HEPHL1: variants seen among roughly 807,000 people sequenced by gnomAD.
HEPHL1 encodes ferroxidase HEPHL1.
Under a neutral mutation model 122.0 loss-of-function variants are expected in HEPHL1, and 123 were observed. That is an observed-to-expected ratio of 1.01 (90% CI 0.87 to 1.17). The LOEUF (loss-of-function observed/expected upper bound fraction) is 1.17, where lower values mean the gene tolerates loss of function less well. Among genes scored for constraint, HEPHL1 ranks in the 50% most tolerant of loss-of-function variants. The pLI, the probability that HEPHL1 is intolerant of heterozygous loss-of-function variation, is 0.00. For synonymous variants in HEPHL1, 527 were observed against 508.9 expected (o/e 1.04, Z -0.48); for missense variants, 1,452 against 1,430.5 (o/e 1.01, Z -0.24).
intron 8 of HEPHL1, 46 bp downstream of exon 8, chr11:94,073,485 A>T (rs1946095559): frequency 6.5e-7 from 1 of 1,533,722 alleles, no homozygotes; most frequent in African/African-American, 1.4e-5. Flanking sequence ...CGGGTGAGCA[A>T]AGCACTTAGA....
intron 5 of HEPHL1, among the ~76,000 whole-genome samples, chr11:94,069,056 C>T (rs539418669): frequency 2.8e-4 from 43 of 152,172 alleles, no homozygotes; most frequent in South Asian, 6.2e-4. Context: ...CAAAGATTAA[C>T]AAGAGAAGGT....
intron 1 of HEPHL1, among the ~76,000 whole-genome samples, 193 bp downstream of exon 1, chr11:94,021,731 G>A (rs1471578962): frequency 1.3e-5 from 2 of 152,140 alleles, no homozygotes; most frequent in Non-Finnish European, 2.9e-5. Context: ...ATAGCTCCAT[G>A]TATTTGTTGA....
intron 2 of HEPHL1, among the ~76,000 whole-genome samples, chr11:94,060,522 T>C (rs1756485101): frequency 1.3e-5 from 2 of 152,134 alleles, no homozygotes; most frequent in African/African-American, 4.8e-5. Flanking sequence ...GAGGTAGGCA[T>C]TTATGATTAT....
At chr11:94,108,662 T>C (rs1428169130) in intron 17 of HEPHL1, among the ~76,000 whole-genome samples, 2 of 152,148 alleles carry the variant, frequency 1.3e-5, no homozygotes, top group South Asian at 2.1e-4. Flanking sequence ...CATCTTTTTT[T>C]CCCACAGAAT....
intron 14 of HEPHL1, among the ~76,000 whole-genome samples, chr11:94,102,289 A>G (rs1168473551): frequency 1.3e-5 from 2 of 152,204 alleles, no homozygotes. Flanking sequence ...ATGATGACCA[A>G]CCCACTTTAC....
intron 1 of HEPHL1, among the ~76,000 whole-genome samples, chr11:94,025,767 G>A (rs1945619313): frequency 6.6e-6 from 1 of 152,164 alleles, no homozygotes. Flanking sequence ...GGAGGAGACA[G>A]AGGTTTTTGT....
chr11:94,064,611 T>C (rs1431368584), intron 4 of HEPHL1, 101 bp downstream of exon 4: 10 of 805,696 alleles, frequency 1.2e-5, no homozygotes, highest in Non-Finnish European at 1.8e-5. Context: ...GAGTTTGGCA[T>C]GATTTATAAC....
chr11:94,029,528 A>G (rs1038184815), intron 1 of HEPHL1, among the ~76,000 whole-genome samples: 4 of 152,256 alleles, frequency 2.6e-5, no homozygotes, highest in Non-Finnish European at 4.4e-5. Flanking sequence ...TTAGGAAAAA[A>G]TACAGATACC....
intron 12 of HEPHL1, among the ~76,000 whole-genome samples, chr11:94,089,750 T>G (rs777741683): frequency 1.3e-5 from 2 of 152,228 alleles, no homozygotes; most frequent in Non-Finnish European, 2.9e-5. Context: ...CTGGTATTAC[T>G]GTTCTGATAT....
chr11:94,023,973 T>TCCAC (rs1945603444), intron 1 of HEPHL1, among the ~76,000 whole-genome samples: 1 of 152,172 alleles, frequency 6.6e-6, no homozygotes, highest in African/African-American at 2.4e-5. Context: ...TATGTGAAGA[T>TCCAC]GCTGTGACTG....
intron 2 of HEPHL1, among the ~76,000 whole-genome samples, chr11:94,053,572 T>G (rs1268050670): frequency 1.3e-5 from 2 of 152,152 alleles, no homozygotes; most frequent in African/African-American, 4.8e-5. Context: ...TTTTTTTAAC[T>G]TCTGAGATAG....
chr11:94,029,027 C>T (rs1945649431), intron 1 of HEPHL1, among the ~76,000 whole-genome samples: 2 of 152,154 alleles, frequency 1.3e-5, no homozygotes, highest in Non-Finnish European at 1.5e-5. Flanking sequence ...TAGGATCTCA[C>T]TGTATTGCCC....
chr11:94,054,407 G>A (rs942243391), intron 2 of HEPHL1, among the ~76,000 whole-genome samples: 1 of 152,058 alleles, frequency 6.6e-6, no homozygotes, highest in African/African-American at 2.4e-5. Context: ...CAACAATCAG[G>A]CCTACCCATT....
At chr11:94,024,838 C>T (rs1214367658) in intron 1 of HEPHL1, among the ~76,000 whole-genome samples, 1 of 152,150 alleles carries the variant, frequency 6.6e-6, no homozygotes, top group Non-Finnish European at 1.5e-5. Context: ...CAATAATCCC[C>T]CTTCCCTGCA....
chr11:94,100,444 T>G (rs1946359474), intron 13 of HEPHL1, among the ~76,000 whole-genome samples: 1 of 152,190 alleles, frequency 6.6e-6, no homozygotes, highest in South Asian at 2.1e-4. Flanking sequence ...CTGAGCCAGG[T>G]GTGGGCTCAT....
At chr11:94,082,704 T>C (rs911745684) in intron 10 of HEPHL1, 136 bp downstream of exon 10, 2 of 752,226 alleles carry the variant, frequency 2.7e-6, no homozygotes, top group Admixed American at 5.8e-5. Flanking sequence ...ATTTCATGCC[T>C]TCAGCTTTAG....
chr11:94,070,269 G>T, intron 5 of HEPHL1, 105 bp from the exon 6 acceptor site: 2 of 1,161,396 alleles, frequency 1.7e-6, no homozygotes, highest in Non-Finnish European at 2.3e-6. Context: ...CCAATTTTCT[G>T]TACAGAAGCC....
chr11:94,107,696 C>G (rs1946419596), intron 17 of HEPHL1, among the ~76,000 whole-genome samples: 2 of 152,132 alleles, frequency 1.3e-5, no homozygotes, highest in Admixed American at 1.3e-4. Flanking sequence ...AAATTGTATC[C>G]ATCTTGTTAT....
At chr11:94,027,909 A>C (rs1380382571) in intron 1 of HEPHL1, among the ~76,000 whole-genome samples, 1 of 152,142 alleles carries the variant, frequency 6.6e-6, no homozygotes, top group African/African-American at 2.4e-5. Context: ...GCTTCACCAA[A>C]CTGAATGTGC....
Sources: allele counts gnomAD v4.1 joint callset (sites outside exome capture counted in the v4.1 genomes callset), GRCh38; gene constraint gnomAD v4.1.1; transcripts MANE v1.5; gene names NCBI Gene and HGNC (gene_info 2026-07-23, HGNC 2026-07-21).